FASTKD1: variants seen among roughly 807,000 people sequenced by gnomAD.
FASTKD1 encodes FAST kinase domains 1, also known as FAST kinase domain-containing protein 1, mitochondrial.
FASTKD1 carries 94 observed loss-of-function variants against 90.9 expected under a neutral mutation model. That is an observed-to-expected ratio of 1.03 (90% CI 0.88 to 1.23). FASTKD1 has a LOEUF of 1.23. Among genes scored for constraint, FASTKD1 ranks in the 50% most tolerant of loss-of-function variants. The pLI, the probability that FASTKD1 is intolerant of heterozygous loss-of-function variation, is 0.00. For synonymous variants in FASTKD1, 319 were observed against 345.8 expected (o/e 0.92, Z 0.86); for missense variants, 945 against 993.5 (o/e 0.95, Z 0.66).
At chr2:169,533,389 G>C (rs1684575025) in intron 12 of FASTKD1, among the ~76,000 whole-genome samples, 1 of 152,014 alleles carries the variant, frequency 6.6e-6, no homozygotes, top group Non-Finnish European at 1.5e-5. Flanking sequence ...GAAATATATA[G>C]AATTCATTAA....
At chr2:169,546,168 T>G in intron 8 of FASTKD1, 50 bp downstream of exon 8, 7 of 1,493,204 alleles carry the variant, frequency 4.7e-6, no homozygotes, top group Non-Finnish European at 6.2e-6. Context: ...AAATTATGCT[T>G]GCAGAAGTTG....
chr2:169,537,907 T>C (rs1261069036), intron 11 of FASTKD1, 106 bp downstream of exon 11: 2 of 939,162 alleles, frequency 2.1e-6, no homozygotes, highest in Non-Finnish European at 3.2e-6. Context: ...CATGGCACTC[T>C]TGGGAAGGCT....
In FASTKD1 at chr2:169,531,368, G is replaced by T. The variant is rs1277965688; in HGVS notation, c.2311C>A (p.Pro771Thr). The change falls in exon 13 of 15, where the codon CCA becomes ACA. Residue 771 changes from proline to threonine, a missense_variant. By Grantham distance (38) the Pro-to-Thr change is conservative. Transcript: ENST00000453153. Reference protein sequence around the residue: ...SNIEIVGSRLPPGAERIALEF... With the variant: ...SNIEIVGSRLTPGAERIALEF... ...ATAAATTACCTTTCAGCCCCTGGTG[G>T]CAGCCTTGATCCAACTATTTCGATA... The T allele has an allele frequency of 6.2e-7, 1 of 1,613,494 alleles. No homozygotes were observed. Among genetic ancestry groups the T allele is most frequent in the East Asian group, 2.2e-5 (1 of 44,858 alleles).
chr2:169,538,092 T>C lies in FASTKD1; in HGVS notation c.1995A>G (p.Leu665=). 1 of 1,611,190 alleles carries C rather than the reference T, an allele frequency of 6.2e-7. No individual in the cohort carries two copies. Among genetic ancestry groups the C allele is most frequent in the Non-Finnish European group, 8.5e-7 (1 of 1,178,730 alleles). ...SARVQFHLME[L]NRSVCLECPE... is the part of the protein sequence containing the mutation. ...GGCATTCCAAGCAGACTGATCTATT[T>C]AACTCCATAAGATGAAACTGGACTC... Residue 665 remains leucine (L), a synonymous_variant, in exon 11 of 15, where the codon TTA becomes TTG. Coordinates refer to ENST00000453153, the MANE Select transcript of FASTKD1 (RefSeq NM_024622.6).
chr2:169,552,597 C>T (rs564090860), intron 7 of FASTKD1, among the ~76,000 whole-genome samples: 107 of 152,140 alleles, frequency 7.0e-4, no homozygotes, highest in African/African-American at 2.4e-3. Context: ...TTTTCAGCAA[C>T]TTGGGTGGAG....
Position 169,557,334 on chromosome 2 carries a change from C to T in FASTKD1, c.972-37G>A, listed in dbSNP as rs777761081. 4 of 1,230,938 alleles carry T rather than the reference C, an allele frequency of 3.2e-6. No homozygotes were observed. In the African/African-American group the frequency reaches 6.2e-5, roughly 19 times the overall value. The allele number at this position is 1,230,938 out of a possible 1,614,324, so 76.3% of individuals were successfully genotyped here. On this transcript the variant is annotated intron_variant, in intron 5 of 14. Coordinates refer to ENST00000453153, the MANE Select transcript of FASTKD1 (RefSeq NM_024622.6). ...AAAAAAAAAGTTTTTGGTTGAAAGA[C>T]TGAAAATTAGCTTGCAATTTTTTTT...
At chr2:169,535,311 G>C (rs1209084023) in intron 12 of FASTKD1, among the ~76,000 whole-genome samples, 1 of 151,424 alleles carries the variant, frequency 6.6e-6, no homozygotes, top group Admixed American at 6.6e-5. Context: ...CCTCCTAATG[G>C]GACTACAGGG....
Position 169,560,539 on chromosome 2 carries a change from A to T in FASTKD1, c.819T>A (p.Ser273Arg). 4 of 1,603,704 alleles carry T rather than the reference A, an allele frequency of 2.5e-6. No homozygotes were observed. The highest frequency in any genetic ancestry group is 2.6e-6 in the Non-Finnish European group (3 of 1,175,726). The change falls in exon 5 of 15, where the codon AGT (serine) becomes AGA (arginine). Residue 273 changes from serine (S) to arginine (R), a missense_variant. Transcript: ENST00000453153. ...LDLDSISKIL[S>R]VYKFLQFNSF... is the part of the protein sequence containing the mutation. ...TATTAAATTGTAGAAATTTGTATAC[A>T]CTAAGTATTTTACTGATGGAATCCA... is the stretch of plus-strand genomic sequence containing the variant.
At position 169,560,435 on chromosome 2, in the gene FASTKD1, T is replaced by G. The variant is rs202127562; in HGVS notation, c.923A>C (p.Lys308Thr). ...AATGGGTCCCAATGCTACAAACAATTTTACAAAGCTAGCAGGATGATTACA... is the reference window on the plus strand; with the variant it reads ...AATGGGTCCCAATGCTACAAACAATGTTACAAAGCTAGCAGGATGATTACA... ...PLCNHPASFV[K>T]LFVALGPIAG... Residue 308 changes from lysine (K) to threonine (T), a missense_variant, in exon 5 of 15, where the codon AAA becomes ACA. By Grantham distance (78) the Lys-to-Thr change is moderately conservative (BLOSUM62 -1). Coordinates refer to ENST00000453153, the MANE Select transcript of FASTKD1 (RefSeq NM_024622.6). The G allele has an allele frequency of 1.3e-6, 2 of 1,572,268 alleles. No individual in the cohort carries two copies. Among genetic ancestry groups the G allele is most frequent in the East Asian group, 4.5e-5 (2 of 44,572 alleles).
chr2:169,535,464 A>ATTATTTAT (rs139555357), intron 12 of FASTKD1, among the ~76,000 whole-genome samples: 1 of 149,638 alleles, frequency 6.7e-6, no homozygotes, highest in African/African-American at 2.5e-5. Flanking sequence ...TTATTTATTT[A>ATTATTTAT]TTATTTGTTT....
intron 12 of FASTKD1, among the ~76,000 whole-genome samples, chr2:169,535,274 TG>T (rs1451194202): frequency 2.0e-5 from 3 of 151,974 alleles, no homozygotes; most frequent in African/African-American, 7.2e-5. Flanking sequence ...ACTCAACTCC[TG>T]GGTTCAAGAG....
chr2:169,558,401 A>T (rs1180787522), intron 5 of FASTKD1, among the ~76,000 whole-genome samples: 1 of 147,058 alleles, frequency 6.8e-6, no homozygotes, highest in East Asian at 2.0e-4. Context: ...GGGATTAGAG[A>T]TGCCCACCAT....
chr2:169,572,358 T>C (rs918973123), intron 1 of FASTKD1, among the ~76,000 whole-genome samples, 187 bp from the exon 2 acceptor site: 3 of 152,018 alleles, frequency 2.0e-5, no homozygotes, highest in African/African-American at 7.2e-5. Flanking sequence ...CACCCCATTT[T>C]AAAAGTGTTT....
chr2:169,554,216 T>G (rs981792513), intron 7 of FASTKD1, among the ~76,000 whole-genome samples: 1 of 133,622 alleles, frequency 7.5e-6, no homozygotes, highest in Admixed American at 9.0e-5. Flanking sequence ...TATGATTGGC[T>G]GCCGTGAGCT....
At chr2:169,542,686 A>G (rs1685007451) in intron 9 of FASTKD1, among the ~76,000 whole-genome samples, 1 of 152,176 alleles carries the variant, frequency 6.6e-6, no homozygotes, top group South Asian at 2.1e-4. Context: ...GCAACGTAGC[A>G]AGACCCCATC....
rs1375233900 is a variant in FASTKD1, at chr2:169,531,398, A to T, written c.2281T>A (p.Ser761Thr). Residue 761 changes from serine (S) to threonine (T), a missense_variant, in exon 13 of 15, where the codon TCA (serine) becomes ACA (threonine). By Grantham distance (58) the Ser-to-Thr change is moderately conservative. Coordinates refer to ENST00000453153, the MANE Select transcript of FASTKD1 (RefSeq NM_024622.6). ...CTTGATCCAACTATTTCGATATTTG[A>T]TTCCCAGGGCATTTCTGGTAGTTGT... is the stretch of plus-strand genomic sequence containing the variant. ...LGQLPEMPWE[S>T]NIEIVGSRLP... is the part of the protein sequence containing the mutation. 12 of 1,613,290 alleles carry T rather than the reference A, an allele frequency of 7.4e-6. No homozygotes were observed. The highest frequency in any genetic ancestry group is 1.0e-5 in the Non-Finnish European group (12 of 1,179,944).
intron 5 of FASTKD1, among the ~76,000 whole-genome samples, chr2:169,557,509 C>T (rs1011936356): frequency 4.6e-5 from 7 of 151,968 alleles, no homozygotes; most frequent in African/African-American, 1.7e-4. Flanking sequence ...AAATTCAGGC[C>T]TCATTATAAT....
At chr2:169,531,542 A>G (rs1166276579) in intron 12 of FASTKD1, 52 bp from the exon 13 acceptor site, 2 of 1,439,734 alleles carry the variant, frequency 1.4e-6, no homozygotes, top group Non-Finnish European at 9.4e-7. Flanking sequence ...TCTTACAGAT[A>G]AAAGTTTAAG....
At chr2:169,573,600 A>G (rs1336696703) in intron 1 of FASTKD1, 69 bp downstream of exon 1, 3 of 152,140 alleles carry the variant, frequency 2.0e-5, no homozygotes, top group African/African-American at 4.8e-5. Flanking sequence ...ACTGAACCCT[A>G]TGTCCCCAGC....
Sources: gnomAD v4.1 joint callset for allele counts (sites outside exome capture counted in the v4.1 genomes callset) on GRCh38, gnomAD v4.1.1 for gene constraint, MANE v1.5 for transcripts, NCBI Gene and HGNC (gene_info 2026-07-23, HGNC 2026-07-21) for gene names.